Variants in ESR1 observed in about 807,000 individuals in gnomAD.
ESR1 encodes the protein estrogen receptor 1, also known as estrogen receptor.
Under a neutral mutation model 52.7 loss-of-function variants are expected in ESR1, and 12 were observed. The observed-to-expected ratio is 0.23, with a 90% CI of 0.15 to 0.37. The LOEUF is 0.37. ESR1 is among the 10% of genes least tolerant of loss of function. ESR1 has a pLI of 1.00. For missense variants in ESR1, 584 were observed against 779.7 expected, an observed-to-expected ratio of 0.75 and a Z score of 2.99; for synonymous variants, 305 against 316.8, an observed-to-expected ratio of 0.96 and a Z score of 0.39.
downstream of ESR1, among the ~76,000 whole-genome samples, chr6:152,106,533 A>G (rs2051069350): frequency 6.6e-6 from 1 of 152,044 alleles, no homozygotes; most frequent in Non-Finnish European, 1.5e-5. Flanking sequence ...AGTTTTTTTG[A>G]ATGTGGAATT....
At chr6:151,820,622 T>C (rs141954083) in intron 1 of ESR1, among the ~76,000 whole-genome samples, 180 of 152,306 alleles carry the variant, frequency 1.2e-3, no homozygotes, top group African/African-American at 4.1e-3. Context: ...TGCAGAGAAA[T>C]TGACAGGATT....
At chr6:152,005,948 G>T (rs893932772) in intron 4 of ESR1, among the ~76,000 whole-genome samples, 1 of 152,026 alleles carries the variant, frequency 6.6e-6, no homozygotes, top group Non-Finnish European at 1.5e-5. Flanking sequence ...CTTGATATTG[G>T]CAAGGTGGTT....
At position 151,837,121 on chromosome 6, in the gene ESR1, C is replaced by CTT. The variant is rs11372738; in HGVS notation, c.453-5460_453-5459dup. Among the ~76,000 whole-genome samples, 351 of 134,398 alleles carry CTT rather than the reference C, an allele frequency of 2.6e-3. 1 individual carries two copies. Among genetic ancestry groups the CTT allele is most frequent in the African/African-American group, 4.4e-3 (158 of 35,766 alleles). The allele number at this position is 134,398 out of a possible 152,430, so 88.2% of individuals were successfully genotyped here. A position where few individuals can be genotyped will look rare whatever the true frequency, so the allele number is the denominator to read the frequency against. ...AATATGAATACCTTCAGACATCCCT[C>CTT]TTTTTTTTTTTTTTTTTCACCCAGG... On this transcript the variant is annotated intron_variant, in intron 1 of 7. Coordinates refer to ENST00000206249, the MANE Select transcript of ESR1 (RefSeq NM_000125.4).
chr6:151,928,147 A>G (rs2033042497), intron 3 of ESR1, among the ~76,000 whole-genome samples: 2 of 152,134 alleles, frequency 1.3e-5, no homozygotes, highest in South Asian at 4.2e-4. Flanking sequence ...CATCTGCTCT[A>G]ATTTCAGATG....
intron 2 of ESR1, among the ~76,000 whole-genome samples, chr6:151,798,820 G>T (rs1213218552): frequency 6.6e-6 from 1 of 152,174 alleles, no homozygotes; most frequent in East Asian, 1.9e-4. Context: ...TAGCTAGAAT[G>T]TTCAGTTCAA....
At chr6:151,942,630 A>G (rs915463382) in intron 3 of ESR1, among the ~76,000 whole-genome samples, 7 of 150,976 alleles carry the variant, frequency 4.6e-5, no homozygotes, top group Non-Finnish European at 1.0e-4. Context: ...GTGTCATTTA[A>G]TATATTATAT....
intron 6 of ESR1, among the ~76,000 whole-genome samples, chr6:152,112,209 A>G (rs1228241535): frequency 6.6e-6 from 1 of 152,246 alleles, no homozygotes; most frequent in African/African-American, 2.4e-5. Flanking sequence ...GCTTCTGTCT[A>G]TGGAAAAAGC....
intron 3 of ESR1, among the ~76,000 whole-genome samples, chr6:151,895,552 G>A (rs914548520): frequency 1.3e-5 from 2 of 152,142 alleles, no homozygotes; most frequent in East Asian, 1.9e-4. Context: ...TTACAGTGAG[G>A]TACCTTGTAT....
intron 4 of ESR1, among the ~76,000 whole-genome samples, chr6:151,945,051 AC>A (rs1028357734): frequency 6.6e-6 from 1 of 152,108 alleles, no homozygotes; most frequent in Non-Finnish European, 1.5e-5. Context: ...CCCTGTCTCT[AC>A]AACAAATTTT....
intron 2 of ESR1, among the ~76,000 whole-genome samples, chr6:151,860,819 A>G (rs890574260): frequency 6.6e-6 from 1 of 152,220 alleles, no homozygotes. Context: ...ATGTGTTACC[A>G]TTTCTGCTAT....
At chr6:151,774,411 G>A (rs757325150) in intron 2 of ESR1, among the ~76,000 whole-genome samples, 47 of 152,358 alleles carry the variant, frequency 3.1e-4, no homozygotes, top group African/African-American at 1.1e-3. Flanking sequence ...TTCTGTCCCT[G>A]AACAAGGCAT....
chr6:151,852,737 C>T (rs58272846), intron 2 of ESR1, among the ~76,000 whole-genome samples: 10,307 of 148,444 alleles, frequency 0.069, 744 homozygotes, highest in East Asian at 0.24. Context: ...TTTCTACTTA[C>T]GTGTTTTACT....
At chr6:151,674,593 G>T (rs189511279) in intron 1 of ESR1, among the ~76,000 whole-genome samples, 8 of 152,298 alleles carry the variant, frequency 5.3e-5, no homozygotes, top group African/African-American at 1.9e-4. Context: ...AGATCCTTGA[G>T]GAATTGCCAC....
chr6:151,848,408 G>C (rs1583642682), intron 2 of ESR1, among the ~76,000 whole-genome samples: 1 of 135,324 alleles, frequency 7.4e-6, no homozygotes, highest in South Asian at 2.5e-4. Flanking sequence ...CAGCGCACCA[G>C]CATGGCACAT....
chr6:151,989,093 T>C (rs1293634499), intron 4 of ESR1, among the ~76,000 whole-genome samples: 2 of 152,158 alleles, frequency 1.3e-5, no homozygotes, highest in Admixed American at 6.5e-5. Context: ...CCTTAATGTA[T>C]TAAGTCTATG....
intron 5 of ESR1, among the ~76,000 whole-genome samples, chr6:152,039,710 G>A (rs765603555): frequency 1.2e-4 from 18 of 152,052 alleles, no homozygotes; most frequent in Admixed American, 2.6e-4. Flanking sequence ...ACACTGATCC[G>A]GAGCATACAC....
At chr6:152,030,783 C>T (rs2044624573) in intron 5 of ESR1, among the ~76,000 whole-genome samples, 2 of 152,172 alleles carry the variant, frequency 1.3e-5, no homozygotes, top group African/African-American at 4.8e-5. Flanking sequence ...CTGCACCAAG[C>T]AGACCTAATA....
intron 6 of ESR1, among the ~76,000 whole-genome samples, chr6:152,084,270 C>A (rs1194226731): frequency 2.3e-5 from 3 of 129,154 alleles, no homozygotes; most frequent in Admixed American, 8.8e-5. Context: ...CGGGGCCTGT[C>A]AGGGGTTGGG....
intron 1 of ESR1, among the ~76,000 whole-genome samples, chr6:151,681,135 G>A (rs574735661): frequency 8.0e-4 from 122 of 152,264 alleles, no homozygotes; most frequent in African/African-American, 2.8e-3. Context: ...ATTCTTCTGT[G>A]AACCTACCTC....
Sources: allele counts gnomAD v4.1 joint callset (sites outside exome capture counted in the v4.1 genomes callset), GRCh38; gene constraint gnomAD v4.1.1; transcripts MANE v1.5; gene names NCBI Gene and HGNC (gene_info 2026-07-23, HGNC 2026-07-21).